The following EIF2S1 variants were observed in gnomAD, a reference collection of about 807,000 sequenced individuals.
EIF2S1 encodes eukaryotic translation initiation factor 2 subunit alpha, also known as eukaryotic translation initiation factor 2 subunit 1.
A neutral mutation model predicts 33.5 loss-of-function variants in EIF2S1; 5 were observed. The ratio of observed to expected loss-of-function variants is 0.15; its 90% CI spans 0.08 to 0.31. EIF2S1 has a LOEUF of 0.31. EIF2S1 is among the 10% of genes least tolerant of loss of function. EIF2S1 has a pLI of 1.00. For missense variants in EIF2S1, 191 were observed against 384.6 expected, an observed-to-expected ratio of 0.50 and a Z score of 4.21; for synonymous variants, 99 against 127.5, an observed-to-expected ratio of 0.78 and a Z score of 1.51.
intron 2 of EIF2S1, among the ~76,000 whole-genome samples, chr14:67,368,207 G>A (rs533394951): frequency 6.6e-6 from 1 of 152,208 alleles, no homozygotes; most frequent in Non-Finnish European, 1.5e-5. Flanking sequence ...GCAGAGCAGC[G>A]TAAACGGCTT....
chr14:67,377,961 A>T (rs1368274943), intron 4 of EIF2S1, among the ~76,000 whole-genome samples: 2 of 151,880 alleles, frequency 1.3e-5, no homozygotes, highest in Non-Finnish European at 2.9e-5. Flanking sequence ...AAAAAAATTA[A>T]AAGTAGCCAG....
chr14:67,370,259 G>A (rs2085811872), intron 2 of EIF2S1, among the ~76,000 whole-genome samples: 1 of 152,192 alleles, frequency 6.6e-6, no homozygotes, highest in Admixed American at 6.5e-5. Flanking sequence ...ATGTCGCAGT[G>A]CTGCAGAGAT....
intron 2 of EIF2S1, among the ~76,000 whole-genome samples, chr14:67,366,931 T>C (rs1244389515): frequency 6.6e-6 from 1 of 152,028 alleles, no homozygotes; most frequent in African/African-American, 2.4e-5. Flanking sequence ...AGCAGAAAAT[T>C]TATGGTCTTA....
chr14:67,366,569 A>G (rs561031990), intron 2 of EIF2S1, among the ~76,000 whole-genome samples: 1 of 152,382 alleles, frequency 6.6e-6, no homozygotes, highest in Admixed American at 6.5e-5. Context: ...AAATCAGTAC[A>G]AATGCGTGCA....
intron 2 of EIF2S1, among the ~76,000 whole-genome samples, chr14:67,374,004 AT>A (rs1479851589): frequency 2.0e-5 from 3 of 152,126 alleles, no homozygotes; most frequent in African/African-American, 7.2e-5. Flanking sequence ...ATAATTGAAA[AT>A]TATTAGTTCT....
In EIF2S1 at chr14:67,383,654, G is replaced by A; in HGVS notation, c.*214G>A. ...CTCCAACACTTTGAGCATTTTTAAG[G>A]GAGTGGCCTCATTTCACTAGAGACA... On this transcript the variant is annotated 3_prime_UTR_variant, in exon 8 of 8. Coordinates refer to ENST00000256383, the MANE Select transcript of EIF2S1 (RefSeq NM_004094.5). 1 of 540,866 alleles carries A rather than the reference G, an allele frequency of 1.8e-6. No homozygotes were observed. The highest frequency in any genetic ancestry group is 3.2e-6 in the Non-Finnish European group (1 of 313,836). 33.5% of individuals were successfully genotyped at this position (540,866 alleles called of 1,614,324 possible). A position where few individuals can be genotyped will look rare whatever the true frequency, so the allele number is the denominator to read the frequency against.
In EIF2S1 at chr14:67,383,506, C is replaced by G; in HGVS notation, c.*66C>G. 1 of 1,595,402 alleles carries G rather than the reference C, an allele frequency of 6.3e-7. No homozygotes were observed. ...GCGCTTCCTGGCTGTAAATCCTAGA[C>G]TTGAAAGTTTTCCAGTATTGAAAAC... On this transcript the variant is annotated 3_prime_UTR_variant, in exon 8 of 8. Coordinates refer to ENST00000256383, the MANE Select transcript of EIF2S1 (RefSeq NM_004094.5).
chr14:67,379,423 ATTTC>A (rs1334679703), intron 4 of EIF2S1, among the ~76,000 whole-genome samples: 1 of 151,812 alleles, frequency 6.6e-6, no homozygotes, highest in African/African-American at 2.4e-5. Context: ...AACCATTTGT[ATTTC>A]TTCTGTGAAA....
In EIF2S1 at chr14:67,364,950, A is replaced by G; in HGVS notation, c.183A>G (p.Lys61=). ...LSRRRIRSIN[K]LIRIGRNECV... ...GAAGGCGTATCCGTTCTATCAACAA[A>G]CTCATCCGAATTGGCAGGAATGAGT... Residue 61 remains lysine (K), a synonymous_variant, in exon 2 of 8, where the codon AAA becomes AAG. Transcript: ENST00000256383. 2 of 1,614,032 alleles carry G rather than the reference A, an allele frequency of 1.2e-6. No individual in the cohort carries two copies. The highest frequency in any genetic ancestry group is 1.7e-6 in the Non-Finnish European group (2 of 1,179,952).
intron 2 of EIF2S1, among the ~76,000 whole-genome samples, chr14:67,372,837 A>AG (rs1656458266): frequency 6.6e-6 from 1 of 151,786 alleles, no homozygotes; most frequent in Admixed American, 6.6e-5. Flanking sequence ...AAAAAAAAAA[A>AG]CAAAAAACAA....
chr14:67,364,674 ATCTTT>A, intron 1 of EIF2S1, 88 bp from the exon 2 acceptor site: 3 of 1,290,706 alleles, frequency 2.3e-6, no homozygotes, highest in Non-Finnish European at 3.1e-6. Flanking sequence ...TTTTTTCTTC[ATCTTT>A]TCTTTCAGTG....
intron 3 of EIF2S1, among the ~76,000 whole-genome samples, chr14:67,376,013 T>C (rs1023255388): frequency 2.0e-5 from 3 of 152,164 alleles, no homozygotes; most frequent in African/African-American, 7.2e-5. Context: ...TTTTAGGAGG[T>C]AAGAAAAAGT....
chr14:67,371,035 A>G (rs1201709574), intron 2 of EIF2S1, among the ~76,000 whole-genome samples: 4 of 152,150 alleles, frequency 2.6e-5, no homozygotes, highest in Admixed American at 6.5e-5. Flanking sequence ...AAAAAAAAGG[A>G]AAACTCTAGG....
At chr14:67,361,676 G>A (rs1309981635) in intron 1 of EIF2S1, among the ~76,000 whole-genome samples, 2 of 152,144 alleles carry the variant, frequency 1.3e-5, no homozygotes, top group Non-Finnish European at 2.9e-5. Flanking sequence ...GACTATGCAG[G>A]GTATTTGAAA....
Position 67,360,328 on chromosome 14 carries a change from A to T in EIF2S1, c.-130A>T, listed in dbSNP as rs2085725026. The T allele has an allele frequency of 2.5e-6, 1 of 397,804 alleles. No individual in the cohort carries two copies. Among genetic ancestry groups the T allele is most frequent in the Non-Finnish European group, 4.4e-6 (1 of 225,738 alleles). The allele number at this position is 397,804 out of a possible 1,614,324, so 24.6% of individuals were successfully genotyped here. A position where few individuals can be genotyped will look rare whatever the true frequency, so the allele number is the denominator to read the frequency against. The stretch of plus-strand genomic sequence containing the variant: ...GCTTGCGCATGCGAGGAGGTTCCGC[A>T]TGCGCGGTGGAGTGAGCGAAGCGCA... On this transcript the variant is annotated 5_prime_UTR_variant, in exon 1 of 8. It removes an upstream start codon present in the reference 5' UTR. Transcript: ENST00000256383.
At chr14:67,361,709 TA>T (rs1225224199) in intron 1 of EIF2S1, among the ~76,000 whole-genome samples, 1 of 152,236 alleles carries the variant, frequency 6.6e-6, no homozygotes, top group African/African-American at 2.4e-5. Context: ...TTGGTTGATA[TA>T]TTTTGAAAGG....
chr14:67,381,896 C>T (rs1204362472), intron 6 of EIF2S1, among the ~76,000 whole-genome samples: 1 of 152,004 alleles, frequency 6.6e-6, no homozygotes, highest in Non-Finnish European at 1.5e-5. Context: ...GTTACTATCA[C>T]AGTGGATGGA....
chr14:67,374,291 C>T (rs2085844864), intron 2 of EIF2S1, among the ~76,000 whole-genome samples, 177 bp from the exon 3 acceptor site: 1 of 152,098 alleles, frequency 6.6e-6, no homozygotes, highest in Non-Finnish European at 1.5e-5. Flanking sequence ...TGGTCCCAAG[C>T]ATTTCTGATG....
At chr14:67,377,942 C>CT (rs2085865870) in intron 4 of EIF2S1, among the ~76,000 whole-genome samples, 1 of 149,032 alleles carries the variant, frequency 6.7e-6, no homozygotes, top group Non-Finnish European at 1.5e-5. Context: ...ACTGCCATCT[C>CT]TAAAAAAAAA....
Sources: gnomAD v4.1 joint callset for allele counts (sites outside exome capture counted in the v4.1 genomes callset) on GRCh38, gnomAD v4.1.1 for gene constraint, MANE v1.5 for transcripts, NCBI Gene and HGNC (gene_info 2026-07-23, HGNC 2026-07-21) for gene names.